The following LDLRAD3 variants were observed in gnomAD, a reference collection of about 807,000 sequenced individuals.
LDLRAD3 encodes low density lipoprotein receptor class A domain containing 3.
A neutral mutation model predicts 29.4 loss-of-function variants in LDLRAD3; 20 were observed. That is an observed-to-expected ratio of 0.68 (90% CI 0.48 to 0.99). The LOEUF (loss-of-function observed/expected upper bound fraction) is 0.99. Ranked by LOEUF, LDLRAD3 falls within the 50% of genes least tolerant of loss-of-function variation. The probability of loss-of-function intolerance (pLI) is 0.00; values close to 1 mark genes in which losing one functional copy is unlikely to be tolerated. For missense variants in LDLRAD3, 420 were observed against 454.3 expected, an observed-to-expected ratio of 0.92 and a Z score of 0.69; for synonymous variants, 157 against 192.7, an observed-to-expected ratio of 0.81 and a Z score of 1.53.
At chr11:35,957,984 A>G (rs531427966) in intron 1 of LDLRAD3, among the ~76,000 whole-genome samples, 6 of 152,166 alleles carry the variant, frequency 3.9e-5, no homozygotes, top group African/African-American at 7.2e-5. Context: ...AAGTTTGGCA[A>G]TGAGGATACC....
At chr11:35,952,561 A>AAAATAAGAATTATATTT (rs1284141126) in intron 1 of LDLRAD3, among the ~76,000 whole-genome samples, 1 of 152,208 alleles carries the variant, frequency 6.6e-6, no homozygotes, top group Non-Finnish European at 1.5e-5. Flanking sequence ...AGAATAAACA[A>AAAATAAGAATTATATTT]GTTATTTCAG....
intron 4 of LDLRAD3, among the ~76,000 whole-genome samples, chr11:36,105,622 A>T (rs1210767371): frequency 6.6e-6 from 1 of 152,186 alleles, no homozygotes; most frequent in Non-Finnish European, 1.5e-5. Context: ...CAGAGAGATC[A>T]CCATGTGAAG....
chr11:36,223,020 A>G (rs1043795310), intron 4 of LDLRAD3, among the ~76,000 whole-genome samples: 1 of 152,202 alleles, frequency 6.6e-6, no homozygotes, highest in Non-Finnish European at 1.5e-5. Context: ...TTCATTATCC[A>G]TGGATTATGC....
chr11:36,198,273 A>AATG (rs530664745), intron 4 of LDLRAD3, among the ~76,000 whole-genome samples: 1 of 35,566 alleles, frequency 2.8e-5, no homozygotes, highest in Non-Finnish European at 6.2e-5. Flanking sequence ...GAAAAATAAT[A>AATG]CCCCCTTTCA....
intron 2 of LDLRAD3, among the ~76,000 whole-genome samples, chr11:36,051,382 C>G (rs930792185): frequency 6.6e-6 from 1 of 152,180 alleles, no homozygotes; most frequent in Non-Finnish European, 1.5e-5. Flanking sequence ...AAATCATGCT[C>G]TACCTCTACC....
chr11:35,952,621 C>T (rs1851151707), intron 1 of LDLRAD3, among the ~76,000 whole-genome samples: 1 of 152,102 alleles, frequency 6.6e-6, no homozygotes, highest in Non-Finnish European at 1.5e-5. Flanking sequence ...TAATTCTTCC[C>T]CCCTTTATGG....
At chr11:36,091,464 C>T (rs565641320) in intron 3 of LDLRAD3, among the ~76,000 whole-genome samples, 9 of 152,162 alleles carry the variant, frequency 5.9e-5, no homozygotes, top group Non-Finnish European at 1.3e-4. Flanking sequence ...AACCACTAAG[C>T]GGTTCCCTTC....
chr11:36,202,115 G>A (rs192342436), intron 4 of LDLRAD3, among the ~76,000 whole-genome samples: 1 of 148,334 alleles, frequency 6.7e-6, no homozygotes, highest in African/African-American at 2.5e-5. Context: ...CAGGATCTCA[G>A]CCCACTGCAA....
intron 4 of LDLRAD3, among the ~76,000 whole-genome samples, chr11:36,224,498 G>A (rs1311275860): frequency 2.0e-5 from 3 of 152,220 alleles, no homozygotes; most frequent in Non-Finnish European, 4.4e-5. Context: ...CAAAACTCCA[G>A]TAGAATCCTT....
rs766017562 is a variant in LDLRAD3, at chr11:36,098,470, C to T, written c.454+9C>T. On this transcript the variant is annotated intron_variant, in intron 4 of 5. Coordinates refer to ENST00000315571, the MANE Select transcript of LDLRAD3 (RefSeq NM_174902.4). ...CTGTGAAAGTTCTCAAGGTAGGAACCTCTCAAGCTCTAAAAAGATAATTGC... is the reference window on the plus strand; with the variant it reads ...CTGTGAAAGTTCTCAAGGTAGGAACTTCTCAAGCTCTAAAAAGATAATTGC... 2.5e-6 allele frequency: 4 copies of T among 1,613,914 alleles called. No homozygotes were observed. The East Asian group carries it at 8.9e-5, about 36-fold the overall frequency.
intron 2 of LDLRAD3, among the ~76,000 whole-genome samples, chr11:36,056,138 G>C (rs1035861679): frequency 5.3e-5 from 8 of 151,962 alleles, no homozygotes; most frequent in African/African-American, 1.9e-4. Context: ...TGAGATTACA[G>C]TCATGCGCCA....
chr11:36,070,403 A>G (rs1048163947), intron 2 of LDLRAD3, among the ~76,000 whole-genome samples: 9 of 152,116 alleles, frequency 5.9e-5, no homozygotes, highest in Non-Finnish European at 1.2e-4. Flanking sequence ...CAAATGGGGA[A>G]GAAGAGAGCA....
chr11:36,187,946 A>T (rs1854877965), intron 4 of LDLRAD3, among the ~76,000 whole-genome samples: 1 of 152,174 alleles, frequency 6.6e-6, no homozygotes, highest in African/African-American at 2.4e-5. Flanking sequence ...TGCTTTTTGA[A>T]GTGCTTTCAC....
chr11:36,155,945 G>C (rs1854344037), intron 4 of LDLRAD3, among the ~76,000 whole-genome samples: 1 of 152,186 alleles, frequency 6.6e-6, no homozygotes, highest in Non-Finnish European at 1.5e-5. Context: ...GGGCTCTGTG[G>C]AGGAAAGAGC....
chr11:36,073,934 G>C (rs1426020366), intron 2 of LDLRAD3, among the ~76,000 whole-genome samples: 2 of 152,158 alleles, frequency 1.3e-5, no homozygotes, highest in Non-Finnish European at 2.9e-5. Flanking sequence ...CCTTGACTTT[G>C]TTTATTAGCA....
At chr11:36,219,479 A>G (rs1855399467) in intron 4 of LDLRAD3, among the ~76,000 whole-genome samples, 1 of 150,636 alleles carries the variant, frequency 6.6e-6, no homozygotes, top group Non-Finnish European at 1.5e-5. Flanking sequence ...TACAAAATAG[A>G]TAGTCTAAGA....
At chr11:36,051,780 G>T in intron 2 of LDLRAD3, among the ~76,000 whole-genome samples, 1 of 152,060 alleles carries the variant, frequency 6.6e-6, no homozygotes, top group East Asian at 1.9e-4. Context: ...AAAAGAAAAA[G>T]AAAAGTGAAA....
At chr11:35,967,724 A>T (rs552887848) in intron 1 of LDLRAD3, 2 of 475,874 alleles carry the variant, frequency 4.2e-6, no homozygotes, top group East Asian at 1.3e-4. Flanking sequence ...GCTGTATTTA[A>T]GTTCAAGGGA....
chr11:35,990,922 A>C (rs1460363625), intron 1 of LDLRAD3, among the ~76,000 whole-genome samples: 1 of 152,240 alleles, frequency 6.6e-6, no homozygotes, highest in African/African-American at 2.4e-5. Flanking sequence ...TGGGAGACTC[A>C]GTGCTAACCT....
Sources: gnomAD v4.1 joint callset for allele counts (sites outside exome capture counted in the v4.1 genomes callset) on GRCh38, gnomAD v4.1.1 for gene constraint, MANE v1.5 for transcripts, NCBI Gene and HGNC (gene_info 2026-07-23, HGNC 2026-07-21) for gene names.